The following SCG5 variants were observed in gnomAD, a reference collection of about 807,000 sequenced individuals.
SCG5 encodes the protein secretogranin V.
A neutral mutation model predicts 25.7 loss-of-function variants in SCG5; 18 were observed. That is an observed-to-expected ratio of 0.70 (90% confidence interval 0.48 to 1.04). The LOEUF (loss-of-function observed/expected upper bound fraction) is 1.04. Ranked by LOEUF, SCG5 falls within the 50% of genes least tolerant of loss-of-function variation. The pLI is 0.00. For missense variants in SCG5, 206 were observed against 259.8 expected (o/e 0.79, Z 1.42); for synonymous variants, 101 against 91.7 (o/e 1.10, Z -0.58).
intron 2 of SCG5, among the ~76,000 whole-genome samples, chr15:32,645,862 C>A (rs1012515756): frequency 1.3e-4 from 20 of 152,162 alleles, no homozygotes; most frequent in East Asian, 9.7e-4. Flanking sequence ...ACTCTGTCAC[C>A]CAGGCTGGAG....
chr15:32,650,762 TG>T (rs770688735), intron 2 of SCG5, among the ~76,000 whole-genome samples: 59 of 152,342 alleles, frequency 3.9e-4, no homozygotes, highest in Non-Finnish European at 8.4e-4. Context: ...CAGTGCCAGC[TG>T]TTCATTTTCC....
At chr15:32,642,151 C>G (rs570497906) in intron 1 of SCG5, among the ~76,000 whole-genome samples, 1 of 152,082 alleles carries the variant, frequency 6.6e-6, no homozygotes, top group South Asian at 2.1e-4. Flanking sequence ...CTAGAAAAGG[C>G]CTTTTCTTTG....
chr15:32,673,211 CT>C (rs1282968285), intron 2 of SCG5: 4 of 152,178 alleles, frequency 2.6e-5, no homozygotes, highest in African/African-American at 9.7e-5. Flanking sequence ...TAGAGTAAAA[CT>C]TTAAGTAAAA....
intron 2 of SCG5, among the ~76,000 whole-genome samples, chr15:32,678,349 A>G (rs1881536): frequency 0.12 from 18,846 of 152,276 alleles, 1,402 homozygotes; most frequent in East Asian, 0.21. Flanking sequence ...ATGTTCATAC[A>G]AATTGATAAG....
At chr15:32,660,122 T>C (rs2140522888) in intron 2 of SCG5, among the ~76,000 whole-genome samples, 1 of 152,298 alleles carries the variant, frequency 6.6e-6, no homozygotes, top group South Asian at 2.1e-4. Context: ...TTTTTGGCAG[T>C]CGTCTATCAT....
intron 5 of SCG5, among the ~76,000 whole-genome samples, chr15:32,695,161 G>T (rs2054933463): frequency 6.6e-6 from 1 of 152,008 alleles, no homozygotes; most frequent in Non-Finnish European, 1.5e-5. Flanking sequence ...GACTACAGGG[G>T]CCCACCACCA....
At chr15:32,672,457 G>A (rs1397413562) in intron 2 of SCG5, among the ~76,000 whole-genome samples, 3 of 152,240 alleles carry the variant, frequency 2.0e-5, no homozygotes, top group Admixed American at 2.0e-4. Flanking sequence ...AGCGTGAGGT[G>A]GGCACTCAGG....
At position 32,643,733 on chromosome 15, in the gene SCG5, T is replaced by C. The variant is rs771554856; in HGVS notation, c.141T>C (p.Val47=). Residue 47 remains valine, a synonymous_variant, in exon 2 of 6, where the codon GTT becomes GTC. Coordinates refer to ENST00000300175, the MANE Select transcript of SCG5 (RefSeq NM_001144757.3). ...EADIQRLLHG[V]MEQLGIARPR... is the part of the protein sequence containing the mutation. ...ATATCCAGAGGCTGCTTCATGGTGT[T>C]ATGGAGCAATTGGGCATTGCCAGGC... 36 of 1,613,846 alleles carry C rather than the reference T, an allele frequency of 2.2e-5. No homozygotes were observed. The highest frequency in any genetic ancestry group is 3.0e-5 in the Non-Finnish European group (35 of 1,179,874).
At chr15:32,682,026 AG>A (rs997303088) in intron 3 of SCG5, among the ~76,000 whole-genome samples, 1 of 152,090 alleles carries the variant, frequency 6.6e-6, no homozygotes, top group African/African-American at 2.4e-5. Flanking sequence ...ACTTGTTTGT[AG>A]GGTTTTGGAT....
At chr15:32,685,383 GC>G (rs1336595367) in intron 4 of SCG5, among the ~76,000 whole-genome samples, 1 of 152,190 alleles carries the variant, frequency 6.6e-6, no homozygotes. Flanking sequence ...CTTTTGCAAA[GC>G]ATTTGACAAG....
At chr15:32,649,383 G>A (rs1595789502) in intron 2 of SCG5, among the ~76,000 whole-genome samples, 2 of 152,168 alleles carry the variant, frequency 1.3e-5, no homozygotes, top group Non-Finnish European at 2.9e-5. Flanking sequence ...TTCTTGCCAT[G>A]AGCTTAGTGA....
chr15:32,679,001 C>A (rs1409924243), intron 2 of SCG5, among the ~76,000 whole-genome samples: 1 of 152,146 alleles, frequency 6.6e-6, no homozygotes, highest in Non-Finnish European at 1.5e-5. Context: ...GTGACCTTAT[C>A]TTTTTTCATA....
Position 32,662,211 on chromosome 15 carries a change from T to C in SCG5, c.227-17555T>C, listed in dbSNP as rs560041255. Among the ~76,000 whole-genome samples, 3 of 152,308 alleles carry C rather than the reference T, an allele frequency of 2.0e-5. No homozygotes were observed. The East Asian group carries it at 5.8e-4, about 29-fold the overall frequency. ...CTTGATAAATTCTCTGGGGTATATA[T>C]TTCTATGAAAAGAAGAATAATTGGG... On this transcript the variant is annotated intron_variant, in intron 2 of 5. Transcript: ENST00000300175.
At chr15:32,679,090 C>G (rs1022383629) in intron 2 of SCG5, among the ~76,000 whole-genome samples, 1 of 152,216 alleles carries the variant, frequency 6.6e-6, no homozygotes, top group African/African-American at 2.4e-5. Context: ...CCACGCCCAG[C>G]TTCCAGAGCC....
chr15:32,686,597 A>AGAAGAGAGAGTGAGGG (rs1413067930), intron 4 of SCG5, among the ~76,000 whole-genome samples: 1 of 152,186 alleles, frequency 6.6e-6, no homozygotes, highest in Non-Finnish European at 1.5e-5. Context: ...CATAAAAAAG[A>AGAAGAGAGAGTGAGGG]GAAGAGAGAG....
At chr15:32,692,385 A>G (rs938504765) in intron 5 of SCG5, 2 of 463,948 alleles carry the variant, frequency 4.3e-6, no homozygotes, top group African/African-American at 4.2e-5. Flanking sequence ...AACTTGGTCT[A>G]GATACTCCAC....
intron 5 of SCG5, among the ~76,000 whole-genome samples, chr15:32,694,228 C>G (rs962151642): frequency 1.3e-5 from 2 of 151,980 alleles, no homozygotes; most frequent in Non-Finnish European, 2.9e-5. Flanking sequence ...CTCTTTTTAC[C>G]TCCTCATTAA....
At chr15:32,671,269 G>A (rs931324335) in intron 2 of SCG5, among the ~76,000 whole-genome samples, 4 of 152,196 alleles carry the variant, frequency 2.6e-5, no homozygotes, top group African/African-American at 9.7e-5. Flanking sequence ...AGGTTTGAAT[G>A]TTGGGACCCT....
chr15:32,660,293 T>A (rs892166680), intron 2 of SCG5, among the ~76,000 whole-genome samples: 3 of 152,174 alleles, frequency 2.0e-5, no homozygotes, highest in African/African-American at 7.2e-5. Context: ...TCCGTGACTC[T>A]GACGAGAGAG....
Sources: gnomAD v4.1 joint callset for allele counts (sites outside exome capture counted in the v4.1 genomes callset) on GRCh38, gnomAD v4.1.1 for gene constraint, MANE v1.5 for transcripts, NCBI Gene and HGNC (gene_info 2026-07-23, HGNC 2026-07-21) for gene names.